Variants in RAP1GDS1 observed in about 807,000 individuals in gnomAD.
RAP1GDS1 encodes RAP1, GTP-GDP dissociation stimulator 1.
In RAP1GDS1, 35 loss-of-function variants were observed where a neutral mutation model predicts 71.1. The observed-to-expected ratio is 0.49, with a 90% CI of 0.38 to 0.65. The LOEUF (loss-of-function observed/expected upper bound fraction) is 0.65, where lower values mean the gene tolerates loss of function less well. Ranked by LOEUF, RAP1GDS1 falls within the 30% of genes least tolerant of loss-of-function variation. RAP1GDS1 has a pLI of 0.00. For missense variants in RAP1GDS1, 663 were observed against 706.1 expected, an observed-to-expected ratio of 0.94 and a Z score of 0.69; for synonymous variants, 229 against 243.1, an observed-to-expected ratio of 0.94 and a Z score of 0.54.
intron 9 of RAP1GDS1, among the ~76,000 whole-genome samples, chr4:98,418,059 T>A (rs1748266853): frequency 6.6e-6 from 1 of 152,160 alleles, no homozygotes; most frequent in African/African-American, 2.4e-5. Context: ...GAAATACAGT[T>A]TATTTTTCTT....
At chr4:98,429,292 G>GTA (rs1306652169) in intron 12 of RAP1GDS1, among the ~76,000 whole-genome samples, 80 of 150,100 alleles carry the variant, frequency 5.3e-4, no homozygotes, top group Admixed American at 8.6e-4. Flanking sequence ...ACTATGATGT[G>GTA]TATATATATA....
At chr4:98,397,205 A>G (rs897647132) in intron 6 of RAP1GDS1, among the ~76,000 whole-genome samples, 3 of 152,158 alleles carry the variant, frequency 2.0e-5, no homozygotes, top group Admixed American at 2.0e-4. Flanking sequence ...TTCGAGTCCC[A>G]ATGAATGTGT....
chr4:98,319,766 G>A (rs1389602430), intron 2 of RAP1GDS1, among the ~76,000 whole-genome samples: 4 of 136,486 alleles, frequency 2.9e-5, no homozygotes, highest in Admixed American at 7.4e-5. Flanking sequence ...GGGCAACAGA[G>A]TGAGAATGTC....
chr4:98,362,583 G>GA (rs76368889), intron 4 of RAP1GDS1, among the ~76,000 whole-genome samples: 5 of 150,542 alleles, frequency 3.3e-5, no homozygotes, highest in Admixed American at 1.3e-4. Flanking sequence ...ATAGGAATGG[G>GA]AAAAAAAAAG....
At chr4:98,438,567 CATATATAT>C (rs36034058) in intron 14 of RAP1GDS1, among the ~76,000 whole-genome samples, 4 of 104,744 alleles carry the variant, frequency 3.8e-5, no homozygotes, top group Admixed American at 2.5e-4. Flanking sequence ...TTTATTCTTC[CATATATAT>C]ATATATATAT....
chr4:98,293,370 T>C, intron 1 of RAP1GDS1, 38 bp from the exon 2 acceptor site: 1 of 1,382,320 alleles, frequency 7.2e-7, no homozygotes, highest in Non-Finnish European at 1.0e-6. Flanking sequence ...ATGGTGGTCA[T>C]AAGGTTGAGT....
chr4:98,264,658 T>G (rs2110218434), intron 1 of RAP1GDS1, among the ~76,000 whole-genome samples: 1 of 152,278 alleles, frequency 6.6e-6, no homozygotes, highest in African/African-American at 2.4e-5. Flanking sequence ...CAAATTATAA[T>G]AGAAGTAAAA....
At chr4:98,390,981 C>A (rs2110125792) in intron 5 of RAP1GDS1, among the ~76,000 whole-genome samples, 1 of 152,120 alleles carries the variant, frequency 6.6e-6, no homozygotes, top group Non-Finnish European at 1.5e-5. Context: ...AATGGCATAT[C>A]ATTTTAATGA....
intron 4 of RAP1GDS1, among the ~76,000 whole-genome samples, chr4:98,353,408 A>T (rs1488233514): frequency 6.6e-6 from 1 of 152,164 alleles, no homozygotes; most frequent in African/African-American, 2.4e-5. Flanking sequence ...TTTAACTCGG[A>T]TGAGTTATAT....
intron 4 of RAP1GDS1, 129 bp from the exon 5 acceptor site, chr4:98,378,888 T>G: frequency 1.1e-6 from 1 of 881,098 alleles, no homozygotes; most frequent in East Asian, 3.2e-5. Flanking sequence ...AAGACATATT[T>G]AATGTCCTGC....
At chr4:98,286,066 A>G (rs113322774) in intron 1 of RAP1GDS1, among the ~76,000 whole-genome samples, 3,293 of 151,668 alleles carry the variant, frequency 0.022, 124 homozygotes, top group African/African-American at 0.073. Flanking sequence ...CAGGAGGTCG[A>G]GACCAGCCTG....
Position 98,331,011 on chromosome 4 carries a change from G to GA in RAP1GDS1, c.113-12127dup, listed in dbSNP as rs1733924830. Among the ~76,000 whole-genome samples the GA allele has an allele frequency of 3.9e-5, 6 of 152,302 alleles. No individual in the cohort carries two copies. The South Asian group carries it at 1.2e-3, about 32-fold the overall frequency. On this transcript the variant is annotated intron_variant, in intron 2 of 14. Transcript: ENST00000408927. The stretch of plus-strand genomic sequence containing the variant: ...ACTGCACTCCAGCCTGGGCAACATT[G>GA]AGCACTGAGTGAGCGAGACTCCGTC...
At chr4:98,273,341 T>C (rs1161400992) in intron 1 of RAP1GDS1, among the ~76,000 whole-genome samples, 5 of 152,146 alleles carry the variant, frequency 3.3e-5, no homozygotes, top group African/African-American at 7.2e-5. Context: ...ATTTCAACAA[T>C]GCAAAAACTG....
intron 13 of RAP1GDS1, among the ~76,000 whole-genome samples, chr4:98,435,351 C>A (rs1197663262): frequency 6.6e-6 from 1 of 152,030 alleles, no homozygotes; most frequent in African/African-American, 2.4e-5. Flanking sequence ...TGACTGGAAG[C>A]CTTACCAATA....
intron 2 of RAP1GDS1, among the ~76,000 whole-genome samples, chr4:98,326,260 C>G (rs1733063417): frequency 6.6e-6 from 1 of 152,074 alleles, no homozygotes; most frequent in Non-Finnish European, 1.5e-5. Flanking sequence ...CCATCTTCCC[C>G]AATAAATCAA....
chr4:98,362,365 A>G (rs1343071251), intron 4 of RAP1GDS1, among the ~76,000 whole-genome samples: 3 of 152,086 alleles, frequency 2.0e-5, no homozygotes, highest in African/African-American at 7.2e-5. Context: ...TAGTCCTGCT[A>G]CTCAGGAGGC....
intron 2 of RAP1GDS1, among the ~76,000 whole-genome samples, chr4:98,337,284 C>T (rs553670360): frequency 8.5e-5 from 13 of 152,180 alleles, no homozygotes; most frequent in Non-Finnish European, 1.6e-4. Context: ...TCCCAAAATA[C>T]TATACATCTC....
At chr4:98,342,129 TTATTA>T (rs1402621109) in intron 2 of RAP1GDS1, among the ~76,000 whole-genome samples, 1 of 152,192 alleles carries the variant, frequency 6.6e-6, no homozygotes, top group Non-Finnish European at 1.5e-5. Flanking sequence ...CAATCAGCAC[TTATTA>T]TAAAGAAATA....
intron 2 of RAP1GDS1, among the ~76,000 whole-genome samples, chr4:98,318,761 G>A (rs75364162): frequency 0.024 from 3,611 of 152,280 alleles, 136 homozygotes; most frequent in African/African-American, 0.082. Flanking sequence ...CATATACAGC[G>A]TGGATAAAGG....
Sources: gnomAD v4.1 joint callset for allele counts (sites outside exome capture counted in the v4.1 genomes callset) on GRCh38, gnomAD v4.1.1 for gene constraint, MANE v1.5 for transcripts, NCBI Gene and HGNC (gene_info 2026-07-23, HGNC 2026-07-21) for gene names.